The following ASPH variants were observed in gnomAD, a reference collection of about 807,000 sequenced individuals.
The protein encoded by ASPH is aspartate beta-hydroxylase, also known as aspartyl/asparaginyl beta-hydroxylase.
Under a neutral mutation model 118.4 loss-of-function variants are expected in ASPH, and 100 were observed. The ratio of observed to expected loss-of-function variants is 0.84; its 90% CI spans 0.72 to 1.00. The LOEUF (loss-of-function observed/expected upper bound fraction) is 1.00. ASPH is among the 50% of genes least tolerant of loss of function. The pLI, the probability that ASPH is intolerant of heterozygous loss-of-function variation, is 0.00. For synonymous variants in ASPH, 315 were observed against 325.6 expected, an observed-to-expected ratio of 0.97 and a Z score of 0.35; for missense variants, 920 against 919.5, an observed-to-expected ratio of 1.00 and a Z score of -0.01.
At chr8:61,644,701 T>A in intron 6 of ASPH, 69 bp from the exon 7 acceptor site, 1 of 1,173,574 alleles carries the variant, frequency 8.5e-7, no homozygotes, top group Non-Finnish European at 1.2e-6. Flanking sequence ...CCCGTATATG[T>A]ACTCTGAATC....
intron 1 of ASPH, among the ~76,000 whole-genome samples, chr8:61,710,017 C>T (rs761555153): frequency 1.3e-5 from 2 of 151,226 alleles, no homozygotes; most frequent in African/African-American, 2.4e-5. Flanking sequence ...TCAAAAAAGT[C>T]AAAGCATGCA....
chr8:61,549,832 T>C (rs1254106384), intron 20 of ASPH, among the ~76,000 whole-genome samples: 1 of 152,188 alleles, frequency 6.6e-6, no homozygotes, highest in Non-Finnish European at 1.5e-5. Context: ...GCTAGAATAG[T>C]GAGAAAAGAA....
chr8:61,521,623 A>G (rs1289009326), intron 22 of ASPH, among the ~76,000 whole-genome samples: 1 of 152,234 alleles, frequency 6.6e-6, no homozygotes, highest in African/African-American at 2.4e-5. Context: ...CTCAGCCTGA[A>G]GAGGAATGCC....
Position 61,526,071 on chromosome 8 carries a change from A to G in ASPH, c.1806T>C (p.Leu602=). 6.2e-7 allele frequency: 1 copy of G among 1,614,036 alleles called. No individual in the cohort carries two copies. The highest frequency in any genetic ancestry group is 8.5e-7 in the Non-Finnish European group (1 of 1,179,922). The change falls in exon 22 of 25, where the codon CTT becomes CTC. Residue 602 remains leucine (L), a synonymous_variant. Coordinates refer to ENST00000379454, the MANE Select transcript of ASPH (RefSeq NM_004318.4). ...GACCTTTGGCTTTATCCATCACTGC[A>G]AGGCCTTCATCTCGGATTAACTTCC... ...RNWKLIRDEG[L]AVMDKAKGLF...
intron 13 of ASPH, chr8:61,633,005 C>G (rs1362517994): frequency 5.9e-6 from 1 of 169,546 alleles, no homozygotes; most frequent in Non-Finnish European, 1.3e-5. Flanking sequence ...ATAGAACATT[C>G]TTTCCCACTA....
chr8:61,556,674 G>A (rs1407392599), intron 18 of ASPH, among the ~76,000 whole-genome samples: 6 of 152,148 alleles, frequency 3.9e-5, no homozygotes, highest in Admixed American at 2.0e-4. Context: ...TATGCAAAGT[G>A]CCTCTAAATT....
intron 1 of ASPH, among the ~76,000 whole-genome samples, chr8:61,697,520 C>T (rs1354502228): frequency 6.6e-6 from 1 of 152,178 alleles, no homozygotes; most frequent in Non-Finnish European, 1.5e-5. Flanking sequence ...GTCTCTACTT[C>T]TGAGGCCAGT....
At chr8:61,705,536 T>C (rs1340911316) in intron 1 of ASPH, among the ~76,000 whole-genome samples, 1 of 152,168 alleles carries the variant, frequency 6.6e-6, no homozygotes, top group Non-Finnish European at 1.5e-5. Flanking sequence ...CAAAAAAAAG[T>C]ACTTGCAAAA....
chr8:61,668,380 G>T, intron 3 of ASPH: 1 of 819,586 alleles, frequency 1.2e-6, no homozygotes. Context: ...TATAAAATAT[G>T]TTAAGTTAGT....
At chr8:61,597,693 C>T (rs749558875) in intron 14 of ASPH, among the ~76,000 whole-genome samples, 2 of 152,056 alleles carry the variant, frequency 1.3e-5, no homozygotes, top group African/African-American at 4.8e-5. Flanking sequence ...TATTTCTCAG[C>T]AGAAATCTTT....
At chr8:61,559,019 C>A (rs1828875598) in intron 18 of ASPH, among the ~76,000 whole-genome samples, 1 of 152,004 alleles carries the variant, frequency 6.6e-6, no homozygotes, top group South Asian at 2.1e-4. Context: ...TTCCTTATGG[C>A]TTTTACAGTT....
intron 18 of ASPH, 112 bp downstream of exon 18, chr8:61,562,628 ATACT>A: frequency 9.4e-7 from 1 of 1,064,760 alleles, no homozygotes; most frequent in South Asian, 2.2e-5. Context: ...AACTATAATA[ATACT>A]TACATGCTTT....
chr8:61,530,265 C>G (rs1042993879), intron 21 of ASPH, among the ~76,000 whole-genome samples: 2 of 152,196 alleles, frequency 1.3e-5, no homozygotes, highest in African/African-American at 4.8e-5. Flanking sequence ...CAGTTGGTTG[C>G]CCGAAAGACA....
rs777024950 is a variant in ASPH, at chr8:61,638,284, T to C, written c.832+38A>G. On this transcript the variant is annotated intron_variant, in intron 11 of 24. Coordinates refer to ENST00000379454, the MANE Select transcript of ASPH (RefSeq NM_004318.4). ...AGTTTTAACAAAATACAGGGAAAGC[T>C]GACTTGCAGAAAATATGTGCTTACA... is the stretch of plus-strand genomic sequence containing the variant. The C allele has an allele frequency of 2.7e-5, 43 of 1,588,974 alleles. No individual in the cohort carries two copies. The Middle Eastern group carries it at 8.6e-4, about 32-fold the overall frequency.
chr8:61,568,901 A>T (rs967020439), intron 16 of ASPH, among the ~76,000 whole-genome samples: 4 of 152,194 alleles, frequency 2.6e-5, no homozygotes, highest in African/African-American at 9.7e-5. Flanking sequence ...CAGCTGGCAG[A>T]GGGTAATGTG....
intron 3 of ASPH, chr8:61,668,247 T>C (rs763226296): frequency 4.6e-5 from 74 of 1,610,230 alleles, no homozygotes; most frequent in Non-Finnish European, 6.2e-5. Context: ...TAGCCTTAGT[T>C]TTTCTCTTGG....
intron 13 of ASPH, among the ~76,000 whole-genome samples, chr8:61,620,752 TC>T (rs1303879584): frequency 2.0e-5 from 3 of 152,174 alleles, no homozygotes; most frequent in Non-Finnish European, 2.9e-5. Context: ...ACTGCAACCC[TC>T]CACATCCCCC....
chr8:61,532,225 C>T (rs1563721313), intron 21 of ASPH, among the ~76,000 whole-genome samples: 1 of 152,076 alleles, frequency 6.6e-6, no homozygotes, highest in Non-Finnish European at 1.5e-5. Flanking sequence ...TAATAGCCAT[C>T]CTAACAGGTA....
At chr8:61,525,141 C>T (rs1251188561) in intron 22 of ASPH, among the ~76,000 whole-genome samples, 1 of 152,084 alleles carries the variant, frequency 6.6e-6, no homozygotes, top group Non-Finnish European at 1.5e-5. Flanking sequence ...CTTATTTGTC[C>T]TTTAGTGTAA....
Sources: gnomAD v4.1 joint callset for allele counts (sites outside exome capture counted in the v4.1 genomes callset) on GRCh38, gnomAD v4.1.1 for gene constraint, MANE v1.5 for transcripts, NCBI Gene and HGNC (gene_info 2026-07-23, HGNC 2026-07-21) for gene names.